Variants in IQUB observed in about 807,000 individuals in gnomAD.
IQUB encodes IQ motif and ubiquitin-like domain-containing protein.
In IQUB, 86 loss-of-function variants were observed where a neutral mutation model predicts 86.4. The ratio of observed to expected loss-of-function variants is 1.00; its 90% confidence interval spans 0.84 to 1.19. The LOEUF (loss-of-function observed/expected upper bound fraction) is 1.19. Ranked by LOEUF, IQUB falls within the 50% of genes most tolerant of loss-of-function variation. The pLI, the probability that IQUB is intolerant of heterozygous loss-of-function variation, is 0.00. For missense variants in IQUB, 946 were observed against 916.9 expected, an observed-to-expected ratio of 1.03 and a Z score of -0.41; for synonymous variants, 289 against 304.5, an observed-to-expected ratio of 0.95 and a Z score of 0.53.
chr7:123,504,332 C>T lies in IQUB; in HGVS notation c.533-969G>A, dbSNP rs571505473. Reference sequence around the variant, plus strand: ...GGCCGTGGTGGCATATGCCTGTAATCCCAGCTACTCGGGAGGCTGAGGCAA... The same window carrying T: ...GGCCGTGGTGGCATATGCCTGTAATTCCAGCTACTCGGGAGGCTGAGGCAA... On this transcript the variant is annotated intron_variant, in intron 3 of 12. Coordinates refer to ENST00000324698, the MANE Select transcript of IQUB (RefSeq NM_178827.5). Among the ~76,000 whole-genome samples, 17 of 152,208 alleles carry T rather than the reference C, an allele frequency of 1.1e-4. No homozygotes were observed. In the East Asian group the frequency reaches 3.1e-3, roughly 28 times the overall value.
Position 123,452,806 on chromosome 7 carries a change from G to T in IQUB, c.2313C>A (p.Ile771=). 6.2e-7 allele frequency: 1 copy of T among 1,613,542 alleles called. No homozygotes were observed. Among genetic ancestry groups the T allele is most frequent in the Non-Finnish European group, 8.5e-7 (1 of 1,179,642 alleles). ...TTGTGTCTGAGTGATACTTCCATCT[G>T]ATCTCATCAATTTCACCATCATCAA... is the stretch of plus-strand genomic sequence containing the variant. ...FILDDGEIDE[I]RWKYHSDTTP... is the part of the protein sequence containing the mutation. Residue 771 remains isoleucine (I), a synonymous_variant, in exon 13 of 13, where the codon ATC becomes ATA. Transcript: ENST00000324698.
At chr7:123,492,556 A>G (rs1795518722) in intron 7 of IQUB, among the ~76,000 whole-genome samples, 1 of 152,194 alleles carries the variant, frequency 6.6e-6, no homozygotes, top group South Asian at 2.1e-4. Context: ...TCTAAGAAAG[A>G]CACTGTTAAG....
chr7:123,504,866 CA>C (rs1415032007), intron 3 of IQUB, among the ~76,000 whole-genome samples: 1 of 152,164 alleles, frequency 6.6e-6, no homozygotes, highest in Admixed American at 6.5e-5. Context: ...TAACTCATTT[CA>C]GCAATAACTC....
chr7:123,477,503 G>C (rs1004393544), intron 8 of IQUB, among the ~76,000 whole-genome samples: 1 of 152,174 alleles, frequency 6.6e-6, no homozygotes, highest in African/African-American at 2.4e-5. Flanking sequence ...AGAAAACCTA[G>C]GCAATACCAT....
At chr7:123,517,298 G>A (rs980679837) in intron 1 of IQUB, among the ~76,000 whole-genome samples, 9 of 151,810 alleles carry the variant, frequency 5.9e-5, no homozygotes, top group African/African-American at 9.7e-5. Context: ...TTGTGAGGCC[G>A]AGGCGGGTGG....
Position 123,457,385 on chromosome 7 carries a change from T to A in IQUB, c.2189A>T (p.Glu730Val), listed in dbSNP as rs762203804. 4 of 1,610,298 alleles carry A rather than the reference T, an allele frequency of 2.5e-6. No individual in the cohort carries two copies. In the South Asian group the frequency reaches 3.3e-5, roughly 13 times the overall value. Residue 730 changes from glutamate (E) to valine (V), a missense_variant, in exon 12 of 13, where the codon GAA becomes GTA. Coordinates refer to ENST00000324698, the MANE Select transcript of IQUB (RefSeq NM_178827.5). ...AATAAAATTCAACTTTCTTACCTCT[T>A]CAATACTTGTTAGCTTGAGATGAGC... ...AAAHLKLTSIEEGYERSFIHK... is the reference protein window; with the variant it reads ...AAAHLKLTSIVEGYERSFIHK...
At chr7:123,493,718 G>T (rs1255691752) in intron 7 of IQUB, among the ~76,000 whole-genome samples, 1 of 134,218 alleles carries the variant, frequency 7.5e-6, no homozygotes, top group Non-Finnish European at 1.6e-5. Flanking sequence ...CACCCTGAGA[G>T]AAATGTGTGT....
chr7:123,511,894 TC>T (rs1165848209), intron 2 of IQUB, 49 bp downstream of exon 2: 3 of 1,379,352 alleles, frequency 2.2e-6, no homozygotes, highest in Non-Finnish European at 3.0e-6. Context: ...GAAAACGCAT[TC>T]ATTCTTCAAA....
intron 8 of IQUB, among the ~76,000 whole-genome samples, chr7:123,477,439 T>A (rs1177639366): frequency 3.9e-5 from 6 of 152,116 alleles, no homozygotes; most frequent in Non-Finnish European, 8.8e-5. Flanking sequence ...CAAAAATTAA[T>A]TCAAGATGGA....
chr7:123,469,772 T>G (rs1184859211), intron 8 of IQUB, among the ~76,000 whole-genome samples: 1 of 152,160 alleles, frequency 6.6e-6, no homozygotes, highest in Non-Finnish European at 1.5e-5. Flanking sequence ...AATATAACTT[T>G]TGTAGAGTAA....
At chr7:123,494,638 C>T (rs1179760775) in intron 7 of IQUB, among the ~76,000 whole-genome samples, 3 of 152,050 alleles carry the variant, frequency 2.0e-5, no homozygotes, top group Non-Finnish European at 2.9e-5. Context: ...ATCTGTTCTA[C>T]TTTAGTATGA....
At chr7:123,501,646 G>A (rs540651100) in intron 6 of IQUB, 7 of 152,290 alleles carry the variant, frequency 4.6e-5, no homozygotes, top group African/African-American at 1.7e-4. Context: ...TACAACCAAG[G>A]TGCTGAACTT....
chr7:123,517,735 T>TTG (rs954581632), intron 1 of IQUB, among the ~76,000 whole-genome samples: 1 of 152,080 alleles, frequency 6.6e-6, no homozygotes, highest in Non-Finnish European at 1.5e-5. Context: ...TGAGAGTCAG[T>TTG]ATCTAGTGAT....
chr7:123,524,913 G>A (rs1041826249), intron 1 of IQUB, among the ~76,000 whole-genome samples: 1 of 151,734 alleles, frequency 6.6e-6, no homozygotes, highest in African/African-American at 2.4e-5. Context: ...AGCATGAAGT[G>A]TTGTTGAATT....
chr7:123,499,463 A>C (rs1795847817), intron 6 of IQUB, among the ~76,000 whole-genome samples: 1 of 152,192 alleles, frequency 6.6e-6, no homozygotes, highest in Admixed American at 6.5e-5. Context: ...AAAGTTGATT[A>C]CAGAAATTCA....
At chr7:123,520,803 T>G (rs1471190647) in intron 1 of IQUB, among the ~76,000 whole-genome samples, 1 of 152,084 alleles carries the variant, frequency 6.6e-6, no homozygotes, top group Non-Finnish European at 1.5e-5. Flanking sequence ...GAGGAGATGA[T>G]GAGAAGTGCT....
At chr7:123,524,019 T>C (rs1351829671) in intron 1 of IQUB, among the ~76,000 whole-genome samples, 6 of 150,188 alleles carry the variant, frequency 4.0e-5, no homozygotes, top group Non-Finnish European at 8.9e-5. Flanking sequence ...GTTGTAGATA[T>C]GCGGCATTAT....
intron 1 of IQUB, among the ~76,000 whole-genome samples, chr7:123,533,790 A>C (rs1797645980): frequency 6.6e-6 from 1 of 152,220 alleles, no homozygotes; most frequent in Non-Finnish European, 1.5e-5. Flanking sequence ...AGAAATGGGT[A>C]GATGGAGGAT....
rs1458805349 is a variant in IQUB, at chr7:123,534,554, C to G, written c.-67G>C. ...TCCCAGGCTCCTAAGACGCAGCTTCCATACTCGCCGCGTTCTCAGCTGTTG... is the reference window on the plus strand; with the variant it reads ...TCCCAGGCTCCTAAGACGCAGCTTCGATACTCGCCGCGTTCTCAGCTGTTG... On this transcript the variant is annotated 5_prime_UTR_variant, in exon 1 of 13. It removes an upstream start codon present in the reference 5' UTR. Transcript: ENST00000324698. The G allele has an allele frequency of 6.5e-6, 1 of 153,648 alleles. No homozygotes were observed. Among genetic ancestry groups the G allele is most frequent in the African/African-American group, 2.4e-5 (1 of 41,444 alleles). 9.5% of individuals were successfully genotyped at this position (153,648 alleles called of 1,614,324 possible).
Sources: gnomAD v4.1 joint callset for allele counts (sites outside exome capture counted in the v4.1 genomes callset) on GRCh38, gnomAD v4.1.1 for gene constraint, MANE v1.5 for transcripts, NCBI Gene and HGNC (gene_info 2026-07-23, HGNC 2026-07-21) for gene names.